Variants in PLCH1 observed in about 807,000 individuals in gnomAD.
The protein encoded by PLCH1 is 1-phosphatidylinositol 4,5-bisphosphate phosphodiesterase eta-1.
PLCH1 carries 60 observed loss-of-function variants against 126.7 expected under a neutral mutation model. That is an observed-to-expected ratio of 0.47 (90% CI 0.38 to 0.59). PLCH1 has a LOEUF of 0.59. Ranked by LOEUF, PLCH1 falls within the 20% of genes least tolerant of loss-of-function variation. PLCH1 has a pLI of 0.00. For synonymous variants in PLCH1, 719 were observed against 734.9 expected, an observed-to-expected ratio of 0.98 and a Z score of 0.35; for missense variants, 1,723 against 2,040.0, an observed-to-expected ratio of 0.84 and a Z score of 2.99.
At chr3:155,667,283 T>C (rs1384434853) in intron 2 of PLCH1, among the ~76,000 whole-genome samples, 1 of 152,166 alleles carries the variant, frequency 6.6e-6, no homozygotes, top group African/African-American at 2.4e-5. Flanking sequence ...TCCAGTGCTC[T>C]CCCTGACACC....
intron 14 of PLCH1, among the ~76,000 whole-genome samples, chr3:155,498,789 AATAGTTTTCTCTCTCCT>A (rs1717456776): frequency 2.0e-5 from 3 of 152,258 alleles, no homozygotes; most frequent in East Asian, 3.9e-4. Flanking sequence ...TAGATATTTT[AATAGTTTTCTCTCTCCT>A]ACAAACCACT....
At chr3:155,648,429 G>C (rs185505296) in intron 2 of PLCH1, among the ~76,000 whole-genome samples, 7 of 152,224 alleles carry the variant, frequency 4.6e-5, no homozygotes, top group African/African-American at 1.7e-4. Context: ...TGGTCTTGAC[G>C]TCCTCCCTGG....
intron 3 of PLCH1, among the ~76,000 whole-genome samples, chr3:155,594,716 CATTCTCCTAAGGCAATA>C (rs750456560): frequency 1.1e-4 from 16 of 152,102 alleles, no homozygotes; most frequent in Non-Finnish European, 1.5e-4. Context: ...GTCTTGACAA[CATTCTCCTAAGGCAATA>C]ATTCAGGACG....
chr3:155,602,367 A>G (rs879635543), intron 2 of PLCH1, among the ~76,000 whole-genome samples: 16 of 152,216 alleles, frequency 1.1e-4, no homozygotes, highest in Admixed American at 9.8e-4. Context: ...CAGAAAATCG[A>G]GTAGAAAGGA....
intron 21 of PLCH1, chr3:155,485,940 C>A (rs2108037080): frequency 1.7e-6 from 1 of 601,690 alleles, no homozygotes; most frequent in East Asian, 2.8e-5. Context: ...ATCAAGCTTT[C>A]CCAGAAGTTT....
rs575237806 is a variant in PLCH1, at chr3:155,625,425, G to A, written c.80-29047C>T. On this transcript the variant is annotated intron_variant, in intron 2 of 22. Coordinates refer to ENST00000460012, the MANE Select transcript of PLCH1 (RefSeq NM_014996.4). ...AATTAAACAAAAGAGCTTCTACACA[G>A]CAAAAGAAACTATCATCAGAATGAA... Among the ~76,000 whole-genome samples the A allele has an allele frequency of 2.0e-5, 3 of 152,222 alleles. No individual in the cohort carries two copies. In the East Asian group the frequency reaches 5.8e-4, roughly 29 times the overall value.
At chr3:155,570,521 T>C (rs992408519) in intron 6 of PLCH1, among the ~76,000 whole-genome samples, 5 of 152,212 alleles carry the variant, frequency 3.3e-5, no homozygotes, top group Non-Finnish European at 7.4e-5. Context: ...ATGTGATTAT[T>C]TTAATAATGA....
In PLCH1 at chr3:155,614,547, T is replaced by C. The variant is rs562518017; in HGVS notation, c.80-18169A>G. 1.4e-3 allele frequency among the ~76,000 whole-genome samples: 207 copies of C among 152,182 alleles called. 3 individuals are homozygous for C. The highest frequency in any genetic ancestry group is 2.4e-3 in the Non-Finnish European group (162 of 67,970). On this transcript the variant is annotated intron_variant, in intron 2 of 22. Transcript: ENST00000460012. ...AACTTCAAACTATACTACAAGACTA[T>C]AGTTACCAAAACAGCATAGTACTGG...
At chr3:155,655,282 A>T (rs1320667358) in intron 2 of PLCH1, among the ~76,000 whole-genome samples, 1 of 152,142 alleles carries the variant, frequency 6.6e-6, no homozygotes, top group Non-Finnish European at 1.5e-5. Flanking sequence ...CCAAAAATTT[A>T]AAAATTAGCC....
intron 6 of PLCH1, among the ~76,000 whole-genome samples, chr3:155,572,455 A>C (rs1729345691): frequency 6.6e-6 from 1 of 152,030 alleles, no homozygotes; most frequent in Non-Finnish European, 1.5e-5. Context: ...CTCTTTTTAC[A>C]AGCACTCAGG....
chr3:155,718,652 G>T (rs1747704829), intron 1 of PLCH1, among the ~76,000 whole-genome samples: 1 of 152,086 alleles, frequency 6.6e-6, no homozygotes, highest in African/African-American at 2.4e-5. Context: ...GGTGAGTGCG[G>T]GGGGGAGGTG....
chr3:155,720,663 C>A (rs970848843), intron 1 of PLCH1, among the ~76,000 whole-genome samples: 1 of 152,156 alleles, frequency 6.6e-6, no homozygotes, highest in Non-Finnish European at 1.5e-5. Flanking sequence ...TTCTCCCACT[C>A]GGTGAGTTGT....
intron 1 of PLCH1, among the ~76,000 whole-genome samples, chr3:155,732,972 A>G (rs1577382944): frequency 6.6e-6 from 1 of 152,184 alleles, no homozygotes; most frequent in South Asian, 2.1e-4. Context: ...CATTTACAAT[A>G]GCTACAAAAA....
chr3:155,709,386 T>TCATTTTG (rs1746922698), intron 1 of PLCH1, among the ~76,000 whole-genome samples: 1 of 152,204 alleles, frequency 6.6e-6, no homozygotes, highest in Non-Finnish European at 1.5e-5. Context: ...ATATTTTGTA[T>TCATTTTG]CATTTTGCAT....
At chr3:155,718,193 T>C (rs987827354) in intron 1 of PLCH1, among the ~76,000 whole-genome samples, 2 of 151,482 alleles carry the variant, frequency 1.3e-5, no homozygotes, top group East Asian at 1.9e-4. Flanking sequence ...TCCCAGTAAG[T>C]TCCTCATTTC....
intron 2 of PLCH1, among the ~76,000 whole-genome samples, chr3:155,656,943 T>C (rs969330368): frequency 1.1e-4 from 16 of 151,426 alleles, no homozygotes; most frequent in Admixed American, 8.6e-4. Context: ...AGGTAGAAAG[T>C]TATAAAATTC....
At chr3:155,684,522 G>A (rs1178138880) in intron 2 of PLCH1, among the ~76,000 whole-genome samples, 3 of 152,038 alleles carry the variant, frequency 2.0e-5, no homozygotes, top group African/African-American at 7.2e-5. Context: ...AACTCCTGAA[G>A]GACTGGAAGG....
At chr3:155,496,254 C>A (rs1302540929) in intron 15 of PLCH1, among the ~76,000 whole-genome samples, 1 of 152,116 alleles carries the variant, frequency 6.6e-6, no homozygotes, top group Non-Finnish European at 1.5e-5. Context: ...ATTATGTTTT[C>A]CAAGCCATTT....
intron 8 of PLCH1, among the ~76,000 whole-genome samples, chr3:155,564,622 T>G (rs1476624141): frequency 2.0e-5 from 3 of 152,098 alleles, no homozygotes; most frequent in Non-Finnish European, 2.9e-5. Context: ...CCTGAACTAT[T>G]TTTGCAATTG....
Sources: gnomAD v4.1 joint callset for allele counts (sites outside exome capture counted in the v4.1 genomes callset) on GRCh38, gnomAD v4.1.1 for gene constraint, MANE v1.5 for transcripts, NCBI Gene and HGNC (gene_info 2026-07-23, HGNC 2026-07-21) for gene names.